Variants in SCAF8 observed in about 807,000 individuals in gnomAD.
SCAF8 encodes the protein SR-related CTD associated factor 8.
Under a neutral mutation model 140.5 loss-of-function variants are expected in SCAF8, and 23 were observed. The ratio of observed to expected loss-of-function variants is 0.16; its 90% CI spans 0.12 to 0.23. The LOEUF (loss-of-function observed/expected upper bound fraction) is 0.23, where lower values mean the gene tolerates loss of function less well. SCAF8 is among the 10% of genes least tolerant of loss of function. The pLI is 1.00. For synonymous variants in SCAF8, 575 were observed against 528.9 expected (o/e 1.09, Z -1.20); for missense variants, 1,397 against 1,555.7 (o/e 0.90, Z 1.72).
chr6:154,746,163 G>T (rs1778694243), intron 1 of SCAF8, among the ~76,000 whole-genome samples: 1 of 152,188 alleles, frequency 6.6e-6, no homozygotes, highest in Admixed American at 6.5e-5. Flanking sequence ...TGGGATTACA[G>T]GTTTAAGCCA....
chr6:154,816,912 G>A (rs1010284899), intron 13 of SCAF8, among the ~76,000 whole-genome samples: 1 of 152,204 alleles, frequency 6.6e-6, no homozygotes, highest in Non-Finnish European at 1.5e-5. Flanking sequence ...AGGAAACTAA[G>A]TGATTTGCTT....
chr6:154,755,429 T>G (rs1778942042), intron 1 of SCAF8, among the ~76,000 whole-genome samples: 1 of 152,072 alleles, frequency 6.6e-6, no homozygotes, highest in Non-Finnish European at 1.5e-5. Flanking sequence ...AATTTTTGTA[T>G]TTTTAGTAGA....
At chr6:154,754,339 G>A (rs1201602252) in intron 1 of SCAF8, among the ~76,000 whole-genome samples, 2 of 152,102 alleles carry the variant, frequency 1.3e-5, no homozygotes, top group Non-Finnish European at 2.9e-5. Flanking sequence ...CTACTAAATG[G>A]TGTGTCACCA....
chr6:154,787,824 C>A lies in SCAF8; in HGVS notation c.160-37C>A, dbSNP rs376203629. On this transcript the variant is annotated intron_variant, in intron 3 of 19. Coordinates refer to ENST00000367178, the MANE Select transcript of SCAF8 (RefSeq NM_014892.5). ...TTGTCTATCAAGAATTTTACCTTTCCGTTTCCTTTCCTTTTCATTCTTCTT... is the reference window on the plus strand; with the variant it reads ...TTGTCTATCAAGAATTTTACCTTTCAGTTTCCTTTCCTTTTCATTCTTCTT... 5 of 1,547,634 alleles carry A rather than the reference C, an allele frequency of 3.2e-6. No individual in the cohort carries two copies. The African/African-American group carries it at 6.9e-5, about 21-fold the overall frequency.
intron 16 of SCAF8, among the ~76,000 whole-genome samples, chr6:154,823,257 T>A (rs1324062715): frequency 6.6e-6 from 1 of 151,422 alleles, no homozygotes; most frequent in Non-Finnish European, 1.5e-5. Flanking sequence ...AGATGAGGAG[T>A]CATTGGAGGA....
chr6:154,812,279 GTC>G (rs1174456220), intron 12 of SCAF8, among the ~76,000 whole-genome samples: 1 of 54,990 alleles, frequency 1.8e-5, no homozygotes, highest in African/African-American at 6.4e-5. Flanking sequence ...TGCCTACTTT[GTC>G]TCTATGTCAG....
At chr6:154,747,088 A>G (rs1215144336) in intron 1 of SCAF8, among the ~76,000 whole-genome samples, 2 of 152,234 alleles carry the variant, frequency 1.3e-5, no homozygotes, top group African/African-American at 4.8e-5. Flanking sequence ...GAAAGTATAT[A>G]TTTAGAGAAA....
intron 5 of SCAF8, among the ~76,000 whole-genome samples, chr6:154,794,686 C>T (rs1028510138): frequency 4.1e-5 from 6 of 145,706 alleles, no homozygotes; most frequent in African/African-American, 1.5e-4. Context: ...TGGAACACAT[C>T]TCCCAAGCAT....
At position 154,810,226 on chromosome 6, in the gene SCAF8, G is replaced by C; in HGVS notation, c.1420+18G>C. On this transcript the variant is annotated intron_variant, in intron 12 of 19. Transcript: ENST00000367178. ...ACTAAGTGGTAAGTAACATATATCT[G>C]CAACGCTTTGGTTTCAATTAATATT... 1 of 1,527,526 alleles carries C rather than the reference G, an allele frequency of 6.5e-7. No homozygotes were observed. The highest frequency in any genetic ancestry group is 8.9e-7 in the Non-Finnish European group (1 of 1,126,874). The allele number at this position is 1,527,526 out of a possible 1,614,324, so 94.6% of individuals were successfully genotyped here.
intron 1 of SCAF8, among the ~76,000 whole-genome samples, chr6:154,747,993 T>G (rs561046620): frequency 1.0e-3 from 156 of 152,202 alleles, no homozygotes; most frequent in African/African-American, 3.6e-3. Flanking sequence ...TATTGAAAGT[T>G]GTTTACATTT....
At chr6:154,825,143 C>T (rs1778528351) in intron 17 of SCAF8, 1 of 152,020 alleles carries the variant, frequency 6.6e-6, no homozygotes, top group Non-Finnish European at 1.5e-5. Context: ...ATTTGTAATA[C>T]TTTGTTTTGA....
intron 1 of SCAF8, among the ~76,000 whole-genome samples, chr6:154,737,604 G>A (rs1347361919): frequency 6.6e-6 from 1 of 152,190 alleles, no homozygotes; most frequent in African/African-American, 2.4e-5. Context: ...GAGGGGGCAG[G>A]TGCTGAGGTG....
intron 16 of SCAF8, among the ~76,000 whole-genome samples, chr6:154,823,230 CAA>C (rs1232344743): frequency 6.6e-6 from 1 of 152,008 alleles, no homozygotes; most frequent in Non-Finnish European, 1.5e-5. Context: ...TTACATGTGA[CAA>C]AAAGAGAGAG....
At chr6:154,758,013 T>G (rs1490666537) in intron 1 of SCAF8, among the ~76,000 whole-genome samples, 1 of 151,140 alleles carries the variant, frequency 6.6e-6, no homozygotes, top group Non-Finnish European at 1.5e-5. Context: ...CAGGCTCAAG[T>G]GATTCTTCCA....
intron 3 of SCAF8, among the ~76,000 whole-genome samples, chr6:154,782,475 G>A (rs539602834): frequency 7.5e-4 from 114 of 152,182 alleles, no homozygotes; most frequent in African/African-American, 2.7e-3. Flanking sequence ...CAGCAGAGGC[G>A]GGAGTTAGAA....
intron 12 of SCAF8, among the ~76,000 whole-genome samples, chr6:154,811,168 C>T (rs1034415944): frequency 3.3e-5 from 5 of 152,004 alleles, no homozygotes; most frequent in Non-Finnish European, 7.4e-5. Context: ...TTTGTTTGTC[C>T]CTTAGGGTGA....
intron 9 of SCAF8, among the ~76,000 whole-genome samples, chr6:154,807,232 A>G (rs980219744): frequency 1.3e-5 from 2 of 152,338 alleles, no homozygotes; most frequent in Non-Finnish European, 2.9e-5. Flanking sequence ...AATCTCACCT[A>G]CCAAAAAGAG....
In SCAF8 at chr6:154,733,843, C is replaced by T. The variant is rs1224166753; in HGVS notation, c.-58C>T. On this transcript the variant is annotated 5_prime_UTR_variant, in exon 1 of 20. Transcript: ENST00000367178. The stretch of plus-strand genomic sequence containing the variant: ...GCAGCCCGCGTCTCGCTCTCCCCAC[C>T]CAGTGCAGTGGCCGCCGCCTCTTCC... 7 of 1,536,642 alleles carry T rather than the reference C, an allele frequency of 4.6e-6. No individual in the cohort carries two copies. Among genetic ancestry groups the T allele is most frequent in the Non-Finnish European group, 6.1e-6 (7 of 1,147,472 alleles).
intron 18 of SCAF8, among the ~76,000 whole-genome samples, chr6:154,828,949 T>TA (rs2114693096): frequency 6.6e-6 from 1 of 152,346 alleles, no homozygotes; most frequent in Non-Finnish European, 1.5e-5. Flanking sequence ...AAAGTAGTGT[T>TA]ACTGCCAACA....
Sources: gnomAD v4.1 joint callset for allele counts (sites outside exome capture counted in the v4.1 genomes callset) on GRCh38, gnomAD v4.1.1 for gene constraint, MANE v1.5 for transcripts, NCBI Gene and HGNC (gene_info 2026-07-23, HGNC 2026-07-21) for gene names.